NYAP2: variants seen among roughly 807,000 people sequenced by gnomAD.
NYAP2 encodes neuronal tyrosine-phosphorylated phosphoinositide-3-kinase adaptor 2.
NYAP2 carries 23 observed loss-of-function variants against 50.4 expected under a neutral mutation model. The observed-to-expected ratio is 0.46, with a 90% confidence interval of 0.33 to 0.65. The LOEUF is 0.65. Ranked by LOEUF, NYAP2 falls within the 30% of genes least tolerant of loss-of-function variation. NYAP2 has a pLI of 0.02. For missense variants in NYAP2, 885 were observed against 861.0 expected, an observed-to-expected ratio of 1.03 and a Z score of -0.35; for synonymous variants, 394 against 365.2, an observed-to-expected ratio of 1.08 and a Z score of -0.90.
chr2:225,635,161 GACAA>G (rs1693390405), intron 6 of NYAP2, among the ~76,000 whole-genome samples: 2 of 152,182 alleles, frequency 1.3e-5, no homozygotes, highest in Non-Finnish European at 2.9e-5. Flanking sequence ...TTGGAGAGGT[GACAA>G]ACAGGCAAAC....
At chr2:225,464,652 C>G (rs1000195342) in intron 3 of NYAP2, among the ~76,000 whole-genome samples, 6 of 152,174 alleles carry the variant, frequency 3.9e-5, no homozygotes, top group Admixed American at 6.5e-5. Context: ...CAATTGTTAA[C>G]ATGAAATTTC....
At chr2:225,537,527 C>T (rs1225833187) in intron 4 of NYAP2, among the ~76,000 whole-genome samples, 2 of 152,150 alleles carry the variant, frequency 1.3e-5, no homozygotes, top group Non-Finnish European at 1.5e-5. Context: ...TAATAACCAT[C>T]AGATCTCATG....
At chr2:225,689,517 C>T in the NYAP2 span, among the ~76,000 whole-genome samples, 1 of 152,102 alleles carries the variant, frequency 6.6e-6, no homozygotes, top group African/African-American at 2.4e-5. Context: ...TTAATGTGTA[C>T]TCATGATTTT....
chr2:225,681,206 C>T, the NYAP2 span, among the ~76,000 whole-genome samples: 22 of 152,290 alleles, frequency 1.4e-4, 1 homozygote, highest in Admixed American at 2.6e-4. Context: ...TCCTGAGAAA[C>T]TCTGTTCTAC....
At chr2:225,405,545 A>C (rs532860165) in intron 2 of NYAP2, among the ~76,000 whole-genome samples, 4 of 152,140 alleles carry the variant, frequency 2.6e-5, no homozygotes, top group Admixed American at 1.3e-4. Context: ...CTGAAAAACA[A>C]AGAGATTTAT....
At chr2:225,545,326 C>A (rs570798491) in intron 4 of NYAP2, among the ~76,000 whole-genome samples, 1 of 152,054 alleles carries the variant, frequency 6.6e-6, no homozygotes, top group Non-Finnish European at 1.5e-5. Flanking sequence ...CTCTTAGATT[C>A]GCCCTTTTGA....
chr2:225,491,167 C>A (rs1251527250), intron 3 of NYAP2, among the ~76,000 whole-genome samples: 4 of 152,098 alleles, frequency 2.6e-5, no homozygotes, highest in Non-Finnish European at 4.4e-5. Context: ...AAATTCCTGG[C>A]TACAGAAGGG....
chr2:225,590,326 G>A (rs1227626341), intron 5 of NYAP2, among the ~76,000 whole-genome samples: 3 of 152,194 alleles, frequency 2.0e-5, no homozygotes, highest in African/African-American at 7.2e-5. Flanking sequence ...TGACCTTGGG[G>A]ATGCGCTCAG....
At chr2:225,433,741 C>T (rs1049887653) in intron 3 of NYAP2, among the ~76,000 whole-genome samples, 2 of 131,108 alleles carry the variant, frequency 1.5e-5, no homozygotes, top group Non-Finnish European at 3.1e-5. Flanking sequence ...GGCGTGAACC[C>T]GGGAGGCGGA....
At chr2:225,701,115 A>C in the NYAP2 span, 1 of 151,836 alleles carries the variant, frequency 6.6e-6, no homozygotes, top group Non-Finnish European at 1.5e-5. Flanking sequence ...TTCTGTGCCT[A>C]TACGATTGTC....
At chr2:225,525,794 T>C (rs998681219) in intron 4 of NYAP2, among the ~76,000 whole-genome samples, 3 of 152,146 alleles carry the variant, frequency 2.0e-5, no homozygotes, top group Non-Finnish European at 4.4e-5. Context: ...CTCTGTAAGA[T>C]GGAAATAACA....
chr2:225,591,121 C>T (rs904887166), intron 5 of NYAP2, among the ~76,000 whole-genome samples: 1 of 152,120 alleles, frequency 6.6e-6, no homozygotes, highest in East Asian at 1.9e-4. Flanking sequence ...GCATGGCGGG[C>T]CCTCCAGATG....
chr2:225,429,070 A>T (rs770650808), intron 3 of NYAP2, among the ~76,000 whole-genome samples: 2 of 152,194 alleles, frequency 1.3e-5, no homozygotes, highest in Non-Finnish European at 2.9e-5. Flanking sequence ...CTCCAAAATC[A>T]TATCATTAGC....
At chr2:225,501,577 A>G (rs1469673344) in intron 3 of NYAP2, among the ~76,000 whole-genome samples, 2 of 152,184 alleles carry the variant, frequency 1.3e-5, no homozygotes, top group Non-Finnish European at 1.5e-5. Flanking sequence ...AATTTTTCAA[A>G]TTGGCCGTTG....
intron 5 of NYAP2, among the ~76,000 whole-genome samples, chr2:225,622,511 T>TTTC (rs1693124422): frequency 2.9e-5 from 1 of 34,352 alleles, no homozygotes; most frequent in African/African-American, 6.6e-5. Flanking sequence ...CTTTTCTTTC[T>TTTC]TTCTTTCTTC....
chr2:225,409,352 A>T (rs576682116), intron 3 of NYAP2, among the ~76,000 whole-genome samples: 2 of 152,034 alleles, frequency 1.3e-5, no homozygotes, highest in Non-Finnish European at 2.9e-5. Context: ...GAAAAATTCA[A>T]TTTCCTCTGA....
chr2:225,415,912 C>T (rs990329802), intron 3 of NYAP2, among the ~76,000 whole-genome samples: 1 of 152,002 alleles, frequency 6.6e-6, no homozygotes, highest in African/African-American at 2.4e-5. Flanking sequence ...ATCCTCCTAT[C>T]TAGAATTAAA....
intron 4 of NYAP2, among the ~76,000 whole-genome samples, chr2:225,578,784 C>G (rs780010462): frequency 1.3e-5 from 2 of 152,092 alleles, no homozygotes; most frequent in Non-Finnish European, 2.9e-5. Context: ...TTAAAATGTT[C>G]ATCGTTCATC....
At chr2:225,462,461 C>G (rs1377815745) in intron 3 of NYAP2, among the ~76,000 whole-genome samples, 1 of 152,088 alleles carries the variant, frequency 6.6e-6, no homozygotes, top group Non-Finnish European at 1.5e-5. Flanking sequence ...TTATCCTGAC[C>G]AAATGCACCC....
Sources: allele counts gnomAD v4.1 joint callset (sites outside exome capture counted in the v4.1 genomes callset), GRCh38; gene constraint gnomAD v4.1.1; transcripts MANE v1.5; gene names NCBI Gene and HGNC (gene_info 2026-07-23, HGNC 2026-07-21).